ZNF804B: variants seen among roughly 807,000 people sequenced by gnomAD.
ZNF804B encodes zinc finger 804B.
In ZNF804B, 80 loss-of-function variants were observed where a neutral mutation model predicts 101.4. The observed-to-expected ratio is 0.79, with a 90% confidence interval of 0.66 to 0.95. The LOEUF is 0.95. Among genes scored for constraint, ZNF804B ranks in the 40% least tolerant of loss-of-function variants. ZNF804B has a pLI of 0.00. For missense variants in ZNF804B, 1,673 were observed against 1,561.9 expected (o/e 1.07, Z -1.20); for synonymous variants, 622 against 558.8 (o/e 1.11, Z -1.59).
intron 1 of ZNF804B, among the ~76,000 whole-genome samples, chr7:89,139,075 C>T (rs1790679556): frequency 6.6e-6 from 1 of 151,946 alleles, no homozygotes; most frequent in Non-Finnish European, 1.5e-5. Context: ...TGCTCCAGAC[C>T]ACTACAATAA....
intron 1 of ZNF804B, among the ~76,000 whole-genome samples, chr7:89,216,400 C>A (rs978048955): frequency 3.3e-5 from 5 of 152,196 alleles, no homozygotes; most frequent in African/African-American, 1.2e-4. Flanking sequence ...AGCACCATCT[C>A]AATGCTGTAT....
chr7:88,977,639 A>G (rs545729784), intron 1 of ZNF804B, among the ~76,000 whole-genome samples: 98 of 151,282 alleles, frequency 6.5e-4, no homozygotes, highest in Non-Finnish European at 1.1e-3. Flanking sequence ...TCTCCTTTTT[A>G]TTAGTCTTGC....
chr7:88,784,868 T>C (rs1206639153), intron 1 of ZNF804B, among the ~76,000 whole-genome samples: 2 of 152,196 alleles, frequency 1.3e-5, no homozygotes. Context: ...TGCTTTTCTT[T>C]TTCTGCTTCT....
intron 1 of ZNF804B, among the ~76,000 whole-genome samples, chr7:89,197,790 A>G (rs1788577710): frequency 6.6e-6 from 1 of 151,848 alleles, no homozygotes. Flanking sequence ...GTTTCGTTAT[A>G]TAGAGTTAAA....
chr7:88,850,092 T>G (rs1404980550), intron 1 of ZNF804B, among the ~76,000 whole-genome samples: 1 of 152,148 alleles, frequency 6.6e-6, no homozygotes, highest in African/African-American at 2.4e-5. Context: ...TCTTCCTATT[T>G]GAAATAAGTT....
intron 1 of ZNF804B, among the ~76,000 whole-genome samples, chr7:88,862,981 A>C (rs964509154): frequency 3.3e-5 from 5 of 152,168 alleles, no homozygotes; most frequent in Non-Finnish European, 7.3e-5. Context: ...AAGCCTAATC[A>C]TGTCACTTCC....
chr7:89,010,737 C>A (rs28416844), intron 1 of ZNF804B, among the ~76,000 whole-genome samples: 3 of 152,144 alleles, frequency 2.0e-5, no homozygotes, highest in African/African-American at 7.2e-5. Flanking sequence ...GGCTGCATTT[C>A]TTTTCTACCA....
intron 2 of ZNF804B, among the ~76,000 whole-genome samples, chr7:89,273,261 T>C (rs1789926546): frequency 6.6e-6 from 1 of 152,038 alleles, no homozygotes; most frequent in Non-Finnish European, 1.5e-5. Flanking sequence ...GAGGCAACAG[T>C]AGACAATAGG....
intron 1 of ZNF804B, among the ~76,000 whole-genome samples, chr7:88,782,211 A>T (rs1030313087): frequency 2.6e-5 from 4 of 151,650 alleles, no homozygotes; most frequent in African/African-American, 9.7e-5. Context: ...ACACATCTGT[A>T]TCTCACTCAG....
At chr7:89,290,848 G>A (rs1790277184) in intron 2 of ZNF804B, among the ~76,000 whole-genome samples, 2 of 152,156 alleles carry the variant, frequency 1.3e-5, no homozygotes, top group African/African-American at 4.8e-5. Context: ...ACCCAGTGCT[G>A]TGCTGGCTTC....
rs890523776 is a variant in ZNF804B at position 88,848,560 on chromosome 7, G to A, written c.108+88476G>A. Among the ~76,000 whole-genome samples the A allele has an allele frequency of 6.0e-5, 9 of 150,908 alleles. No homozygotes were observed. The South Asian group carries it at 1.0e-3, about 18-fold the overall frequency. ...CAGATGTAAAACCTGAAGAAACTGTGAAATCTGAAATGATTGTAAAGTATA... is the reference window on the plus strand; with the variant it reads ...CAGATGTAAAACCTGAAGAAACTGTAAAATCTGAAATGATTGTAAAGTATA... On this transcript the variant is annotated intron_variant, in intron 1 of 3. Coordinates refer to ENST00000333190, the MANE Select transcript of ZNF804B (RefSeq NM_181646.5).
At chr7:89,083,922 T>A (rs1789735467) in intron 1 of ZNF804B, among the ~76,000 whole-genome samples, 1 of 151,932 alleles carries the variant, frequency 6.6e-6, no homozygotes. Flanking sequence ...AATATAACAC[T>A]GTGATTTTAG....
intron 1 of ZNF804B, among the ~76,000 whole-genome samples, chr7:88,926,938 G>GCGGCGGT (rs113089451): frequency 1.4e-5 from 2 of 142,600 alleles, no homozygotes; most frequent in African/African-American, 5.7e-5. Context: ...CCGGGTGGTG[G>GCGGCGGT]GGAGCGGGGG....
At chr7:88,995,349 A>G (rs565529262) in intron 1 of ZNF804B, among the ~76,000 whole-genome samples, 1 of 152,220 alleles carries the variant, frequency 6.6e-6, no homozygotes, top group East Asian at 1.9e-4. Flanking sequence ...AGCATATAAT[A>G]GATATACTTA....
intron 1 of ZNF804B, among the ~76,000 whole-genome samples, chr7:89,103,310 T>C (rs1229542521): frequency 2.6e-5 from 4 of 151,588 alleles, no homozygotes; most frequent in Admixed American, 2.0e-4. Context: ...TAGAGGTTGC[T>C]TTGGGTAATG....
intron 1 of ZNF804B, among the ~76,000 whole-genome samples, chr7:88,935,753 G>A (rs1380141814): frequency 6.6e-6 from 1 of 151,758 alleles, no homozygotes; most frequent in African/African-American, 2.4e-5. Flanking sequence ...TGCTTAGTAG[G>A]TGCCATAAGT....
intron 2 of ZNF804B, among the ~76,000 whole-genome samples, chr7:89,220,772 A>G (rs1398023214): frequency 6.6e-6 from 1 of 151,978 alleles, no homozygotes; most frequent in Non-Finnish European, 1.5e-5. Flanking sequence ...GGATCCCTAA[A>G]TATCCACACT....
intron 1 of ZNF804B, among the ~76,000 whole-genome samples, chr7:88,835,176 G>C (rs7801160): frequency 0.5 from 76,022 of 151,612 alleles, 20,989 homozygotes; most frequent in East Asian, 0.81. Context: ...TCAGGATACA[G>C]TAGCATACTG....
At chr7:89,297,659 G>T (rs1374957654) in intron 2 of ZNF804B, among the ~76,000 whole-genome samples, 2 of 151,886 alleles carry the variant, frequency 1.3e-5, no homozygotes, top group African/African-American at 4.8e-5. Context: ...ATAGTACAAA[G>T]AACTCTCATA....
Sources: gnomAD v4.1 joint callset for allele counts (sites outside exome capture counted in the v4.1 genomes callset) on GRCh38, gnomAD v4.1.1 for gene constraint, MANE v1.5 for transcripts, NCBI Gene and HGNC (gene_info 2026-07-23, HGNC 2026-07-21) for gene names.